The following SND1 variants were observed in gnomAD, a reference collection of about 807,000 sequenced individuals.
The protein encoded by SND1 is staphylococcal nuclease and tudor domain containing 1, also known as staphylococcal nuclease domain-containing protein 1.
SND1 carries 38 observed loss-of-function variants against 121.7 expected under a neutral mutation model. That is an observed-to-expected ratio of 0.31 (90% CI 0.24 to 0.41). The LOEUF (loss-of-function observed/expected upper bound fraction) is 0.41. SND1 is among the 10% of genes least tolerant of loss of function. The probability of loss-of-function intolerance (pLI) is 1.00; values close to 1 mark genes in which losing one functional copy is unlikely to be tolerated. For synonymous variants in SND1, 401 were observed against 447.4 expected (o/e 0.90, Z 1.31); for missense variants, 868 against 1,184.6 (o/e 0.73, Z 3.92).
At chr7:127,958,669 G>A (rs577468060) in intron 15 of SND1, among the ~76,000 whole-genome samples, 2 of 152,028 alleles carry the variant, frequency 1.3e-5, no homozygotes, top group African/African-American at 2.4e-5. Context: ...CCATGCTTAC[G>A]TCCAGAGTGC....
intron 16 of SND1, among the ~76,000 whole-genome samples, chr7:128,074,051 A>G (rs1336210234): frequency 2.0e-5 from 3 of 151,998 alleles, no homozygotes; most frequent in Non-Finnish European, 4.4e-5. Flanking sequence ...AATTACCTTC[A>G]TTAGACACGA....
At chr7:127,945,659 C>T (rs1260115960) in intron 15 of SND1, among the ~76,000 whole-genome samples, 1 of 152,116 alleles carries the variant, frequency 6.6e-6, no homozygotes, top group Non-Finnish European at 1.5e-5. Flanking sequence ...GAGCCTTGAA[C>T]AGGTCACAGA....
chr7:127,813,215 GT>G (rs1798364842), intron 11 of SND1, among the ~76,000 whole-genome samples: 1 of 152,216 alleles, frequency 6.6e-6, no homozygotes, highest in Admixed American at 6.5e-5. Flanking sequence ...GGAAGTGGTA[GT>G]AATGTGTCAA....
chr7:127,715,753 G>T (rs1796377042), intron 9 of SND1, among the ~76,000 whole-genome samples: 1 of 152,118 alleles, frequency 6.6e-6, no homozygotes, highest in African/African-American at 2.4e-5. Context: ...ATTGTTGCCT[G>T]TTCCTTTGGT....
At chr7:127,932,655 G>A (rs1800977379) in intron 15 of SND1, among the ~76,000 whole-genome samples, 1 of 152,156 alleles carries the variant, frequency 6.6e-6, no homozygotes, top group Non-Finnish European at 1.5e-5. Context: ...CCAGTTGATG[G>A]AACAAACCTC....
chr7:127,704,644 AG>A lies in SND1; in HGVS notation c.841-193del, dbSNP rs567672230. On this transcript the variant is annotated intron_variant, in intron 7 of 23. Transcript: ENST00000354725. ...GGGATACGAAGCCAAGGCTATTGAA[AG>A]GAGTCTCAGAGTGGCATCTCTCCCA... Among the ~76,000 whole-genome samples, 226 of 152,356 alleles carry A rather than the reference AG, an allele frequency of 1.5e-3. 9 individuals are homozygous for A. The South Asian group carries it at 0.044, about 30-fold the overall frequency.
intron 11 of SND1, among the ~76,000 whole-genome samples, chr7:127,838,298 G>C (rs1798902676): frequency 6.6e-6 from 1 of 152,206 alleles, no homozygotes; most frequent in South Asian, 2.1e-4. Flanking sequence ...ACAAGGAACA[G>C]GGGAGCTGAA....
chr7:127,788,424 GA>G (rs1240677022), intron 10 of SND1, among the ~76,000 whole-genome samples: 4 of 152,284 alleles, frequency 2.6e-5, no homozygotes, highest in South Asian at 4.1e-4. Flanking sequence ...TATTGTGACA[GA>G]AATGCTCTCA....
intron 10 of SND1, among the ~76,000 whole-genome samples, chr7:127,804,464 T>G (rs1039261917): frequency 6.6e-6 from 1 of 152,216 alleles, no homozygotes; most frequent in Non-Finnish European, 1.5e-5. Flanking sequence ...AGCAAGATTC[T>G]TATTTAGACA....
intron 16 of SND1, among the ~76,000 whole-genome samples, chr7:128,060,737 A>G (rs1208356762): frequency 1.3e-5 from 2 of 152,218 alleles, no homozygotes; most frequent in African/African-American, 2.4e-5. Context: ...GCACTGTGGC[A>G]AGAAGTCCAT....
intron 15 of SND1, among the ~76,000 whole-genome samples, chr7:127,964,266 C>T (rs926051446): frequency 6.6e-6 from 1 of 150,842 alleles, no homozygotes; most frequent in African/African-American, 2.4e-5. Flanking sequence ...TAATTAGATC[C>T]CATTTGTCAA....
At chr7:127,847,686 C>T (rs1415599344) in intron 12 of SND1, among the ~76,000 whole-genome samples, 2 of 152,312 alleles carry the variant, frequency 1.3e-5, no homozygotes, top group East Asian at 3.9e-4. Flanking sequence ...TACTTTAAAG[C>T]CTTTCCTCTT....
intron 10 of SND1, among the ~76,000 whole-genome samples, chr7:127,767,865 A>C (rs569555795): frequency 1.3e-5 from 2 of 152,168 alleles, no homozygotes; most frequent in African/African-American, 2.4e-5. Context: ...ATCAGTACGC[A>C]TGTTAGGAAT....
intron 15 of SND1, among the ~76,000 whole-genome samples, chr7:127,967,038 C>A (rs1409395772): frequency 6.6e-6 from 1 of 152,038 alleles, no homozygotes; most frequent in East Asian, 1.9e-4. Flanking sequence ...GGATGTTTAC[C>A]CCTTAGCTTC....
chr7:127,873,858 T>G (rs562935414), intron 12 of SND1, among the ~76,000 whole-genome samples: 1 of 152,182 alleles, frequency 6.6e-6, no homozygotes, highest in Admixed American at 6.5e-5. Flanking sequence ...TAATGTACTG[T>G]TAAGATCCTT....
At chr7:127,670,169 G>T (rs1012302715) in intron 1 of SND1, among the ~76,000 whole-genome samples, 3 of 151,962 alleles carry the variant, frequency 2.0e-5, no homozygotes, top group African/African-American at 7.2e-5. Context: ...TTTTGTATTT[G>T]TGGTAGAGAC....
At chr7:127,885,294 C>T (rs553885207) in intron 12 of SND1, among the ~76,000 whole-genome samples, 1 of 152,186 alleles carries the variant, frequency 6.6e-6, no homozygotes, top group East Asian at 1.9e-4. Flanking sequence ...ACATGTGATT[C>T]TCATATGCAT....
intron 18 of SND1, 85 bp downstream of exon 18, chr7:128,081,586 G>A: frequency 1.3e-6 from 2 of 1,526,968 alleles, no homozygotes; most frequent in East Asian, 2.3e-5. Context: ...CCCAGTGGGT[G>A]GGAGGAACAA....
At chr7:127,858,080 G>A in intron 12 of SND1, 1 of 1,029,466 alleles carries the variant, frequency 9.7e-7, no homozygotes, top group South Asian at 1.3e-5. Context: ...CTCTGGGTAG[G>A]GGTTGGGGTC....
Sources: allele counts gnomAD v4.1 joint callset (sites outside exome capture counted in the v4.1 genomes callset), GRCh38; gene constraint gnomAD v4.1.1; transcripts MANE v1.5; gene names NCBI Gene and HGNC (gene_info 2026-07-23, HGNC 2026-07-21).